The following CTNND2 variants were observed in gnomAD, a reference collection of about 807,000 sequenced individuals.
CTNND2 encodes catenin delta-2.
In CTNND2, 22 loss-of-function variants were observed where a neutral mutation model predicts 144.4. The observed-to-expected ratio is 0.15, with a 90% CI of 0.11 to 0.22. The LOEUF is 0.22. Ranked by LOEUF, CTNND2 falls within the 10% of genes least tolerant of loss-of-function variation. The pLI is 1.00. For synonymous variants in CTNND2, 751 were observed against 695.6 expected (o/e 1.08, Z -1.25); for missense variants, 1,353 against 1,618.8 (o/e 0.84, Z 2.82).
chr5:11,334,291 A>G (rs1753513308), intron 9 of CTNND2, among the ~76,000 whole-genome samples: 1 of 152,234 alleles, frequency 6.6e-6, no homozygotes, highest in African/African-American at 2.4e-5. Context: ...ATATATGTAT[A>G]GAAACATCAC....
rs562608696 is a variant in CTNND2 at position 11,776,113 on chromosome 5, G to A, written c.38-43841C>T. On this transcript the variant is annotated intron_variant, in intron 1 of 21. Coordinates refer to ENST00000304623, the MANE Select transcript of CTNND2 (RefSeq NM_001332.4). ...GAACTTCCAGCCTCCAGAACTGAAA[G>A]AGAATAAATTTCTAGTGTTGTACAC... 6.6e-5 allele frequency among the ~76,000 whole-genome samples: 10 copies of A among 152,276 alleles called. 1 individual carries two copies. In the South Asian group the frequency reaches 2.1e-3, roughly 32 times the overall value.
At chr5:11,051,934 C>A (rs532400527) in intron 16 of CTNND2, among the ~76,000 whole-genome samples, 4 of 152,298 alleles carry the variant, frequency 2.6e-5, no homozygotes, top group Admixed American at 6.5e-5. Flanking sequence ...GTTTAATAAG[C>A]ACTGTCTGCC....
intron 2 of CTNND2, among the ~76,000 whole-genome samples, chr5:11,696,594 T>C (rs1039566316): frequency 2.0e-5 from 3 of 152,184 alleles, no homozygotes; most frequent in African/African-American, 4.8e-5. Flanking sequence ...TGAGTTTCCA[T>C]GGGTGACATT....
Position 11,220,304 on chromosome 5 carries a change from T to C in CTNND2, c.1761+16387A>G, listed in dbSNP as rs114338323. Among the ~76,000 whole-genome samples the C allele has an allele frequency of 2.5e-3, 374 of 152,224 alleles. 1 individual carries two copies. The highest frequency in any genetic ancestry group is 8.5e-3 in the African/African-American group (351 of 41,518). On this transcript the variant is annotated intron_variant, in intron 10 of 21. Transcript: ENST00000304623. ...GAAGGAAACTGGCTTAAAAGCCCCA[T>C]AGATGGTGGCAACAGAAAAAATATT...
chr5:11,607,428 C>A (rs947811954), intron 2 of CTNND2, among the ~76,000 whole-genome samples: 2 of 151,794 alleles, frequency 1.3e-5, no homozygotes, highest in East Asian at 1.9e-4. Flanking sequence ...GAAAATATGG[C>A]AAGAAAAAAA....
At chr5:11,450,722 AC>A (rs1765231693) in intron 3 of CTNND2, among the ~76,000 whole-genome samples, 2 of 151,900 alleles carry the variant, frequency 1.3e-5, no homozygotes, top group South Asian at 4.2e-4. Flanking sequence ...ACATGGTGAA[AC>A]CCCGTCCCTA....
intron 12 of CTNND2, among the ~76,000 whole-genome samples, chr5:11,155,990 C>T (rs1758184331): frequency 6.6e-6 from 1 of 152,174 alleles, no homozygotes; most frequent in African/African-American, 2.4e-5. Context: ...TGTAAATGTG[C>T]CTCCTTCAGT....
At chr5:11,375,139 C>A (rs992139715) in intron 7 of CTNND2, among the ~76,000 whole-genome samples, 1 of 152,146 alleles carries the variant, frequency 6.6e-6, no homozygotes, top group African/African-American at 2.4e-5. Context: ...AGGTAGGCTG[C>A]AGAAATTCCC....
At chr5:11,717,005 C>G (rs952892849) in intron 2 of CTNND2, among the ~76,000 whole-genome samples, 1 of 151,864 alleles carries the variant, frequency 6.6e-6, no homozygotes, top group African/African-American at 2.4e-5. Flanking sequence ...GTAGCTGAGA[C>G]TGCAGGTGTG....
chr5:11,650,168 T>TA (rs1206294884), intron 2 of CTNND2, among the ~76,000 whole-genome samples: 23 of 152,252 alleles, frequency 1.5e-4, no homozygotes, highest in African/African-American at 4.3e-4. Context: ...GTTTTCATGA[T>TA]AGTGAGTAAA....
intron 9 of CTNND2, among the ~76,000 whole-genome samples, chr5:11,255,706 T>C (rs934143282): frequency 1.3e-5 from 2 of 152,056 alleles, no homozygotes; most frequent in Non-Finnish European, 2.9e-5. Context: ...TCAGTAACTG[T>C]TGGGGAAAAA....
rs181730514 is a variant in CTNND2 at position 11,265,901 on chromosome 5, T to G, written c.1629-29078A>C. Among the ~76,000 whole-genome samples, 457 of 151,850 alleles carry G rather than the reference T, an allele frequency of 3.0e-3. 5 individuals carry two copies. The highest frequency in any genetic ancestry group is 0.025 in the South Asian group (122 of 4,800). On this transcript the variant is annotated intron_variant, in intron 9 of 21. Coordinates refer to ENST00000304623, the MANE Select transcript of CTNND2 (RefSeq NM_001332.4). ...TAATTTTTTTATTTTTAGTAGAGAC[T>G]GGGTTTCACCATGTTAGCCAGGCTG...
intron 11 of CTNND2, among the ~76,000 whole-genome samples, chr5:11,197,493 G>GAATAA (rs1229037073): frequency 6.6e-6 from 1 of 152,150 alleles, no homozygotes; most frequent in African/African-American, 2.4e-5. Flanking sequence ...AAAAGAAGTG[G>GAATAA]AATAAGAGTG....
At chr5:11,694,232 A>G (rs13169302) in intron 2 of CTNND2, among the ~76,000 whole-genome samples, 39,587 of 151,604 alleles carry the variant, frequency 0.26, 9,278 homozygotes, top group African/African-American at 0.63. Context: ...TCAGGAGATC[A>G]AGACCATCCT....
intron 2 of CTNND2, among the ~76,000 whole-genome samples, chr5:11,608,430 CA>C (rs1318225432): frequency 6.6e-6 from 1 of 152,142 alleles, no homozygotes; most frequent in Non-Finnish European, 1.5e-5. Context: ...CCATTATTCC[CA>C]TTCCACCACT....
At chr5:11,840,921 G>GT (rs1452963031) in intron 1 of CTNND2, among the ~76,000 whole-genome samples, 2 of 152,084 alleles carry the variant, frequency 1.3e-5, no homozygotes, top group Admixed American at 1.3e-4. Context: ...CTTGAAATGG[G>GT]TAACATAAAA....
intron 2 of CTNND2, among the ~76,000 whole-genome samples, chr5:11,646,958 C>T (rs188024958): frequency 5.9e-4 from 90 of 152,342 alleles, no homozygotes; most frequent in African/African-American, 2.1e-3. Flanking sequence ...AACAGCCACA[C>T]ATTCTCATTG....
intron 1 of CTNND2, among the ~76,000 whole-genome samples, chr5:11,742,697 CTACTGAATGTTTTAAAAATT>C (rs1425373741): frequency 5.3e-5 from 8 of 152,004 alleles, no homozygotes; most frequent in Non-Finnish European, 1.2e-4. Context: ...TAAATATGAG[CTACTGAATGTTTTAAAAATT>C]TACATATTTT....
chr5:11,757,874 T>C (rs1367264362), intron 1 of CTNND2, among the ~76,000 whole-genome samples: 2 of 151,944 alleles, frequency 1.3e-5, no homozygotes, highest in Non-Finnish European at 2.9e-5. Context: ...TAAAAAGTCA[T>C]TACTTTTAAC....
Sources: gnomAD v4.1 joint callset for allele counts (sites outside exome capture counted in the v4.1 genomes callset) on GRCh38, gnomAD v4.1.1 for gene constraint, MANE v1.5 for transcripts, NCBI Gene and HGNC (gene_info 2026-07-23, HGNC 2026-07-21) for gene names.